STPG2: variants seen among roughly 807,000 people sequenced by gnomAD.
STPG2 encodes sperm-tail PG-rich repeat-containing protein 2.
STPG2 carries 56 observed loss-of-function variants against 54.2 expected under a neutral mutation model. The observed-to-expected ratio is 1.03, with a 90% CI of 0.83 to 1.29. STPG2 has a LOEUF of 1.29. Ranked by LOEUF, STPG2 falls within the 50% of genes most tolerant of loss-of-function variation. The pLI is 0.00. For synonymous variants in STPG2, 200 were observed against 181.8 expected (o/e 1.10, Z -0.81); for missense variants, 596 against 544.9 (o/e 1.09, Z -0.93).
intron 9 of STPG2, among the ~76,000 whole-genome samples, chr4:97,814,800 T>C (rs1727857189): frequency 6.6e-6 from 1 of 152,142 alleles, no homozygotes; most frequent in Non-Finnish European, 1.5e-5. Context: ...CTGTGCTGGA[T>C]GCCTCCTGCC....
intron 8 of STPG2, among the ~76,000 whole-genome samples, chr4:97,869,936 G>C (rs966612541): frequency 1.1e-4 from 17 of 151,428 alleles, no homozygotes; most frequent in African/African-American, 3.9e-4. Flanking sequence ...AAGAACCCGG[G>C]TCTTCCACTT....
In STPG2 at chr4:98,000,665, C is replaced by T. The variant is rs532348896; in HGVS notation, c.613-19347G>A. 3.9e-5 allele frequency among the ~76,000 whole-genome samples: 6 copies of T among 152,126 alleles called. No individual in the cohort carries two copies. In the South Asian group the frequency reaches 1.0e-3, roughly 26 times the overall value. ...TCCTTTTAAACTGATTAAATTTAAA[C>T]AAAATCACATAAACATGGTAAGGAA... On this transcript the variant is annotated intron_variant, in intron 5 of 10. Coordinates refer to ENST00000295268, the MANE Select transcript of STPG2 (RefSeq NM_174952.3).
At position 97,659,541 on chromosome 4, in the gene STPG2, C is replaced by T. The variant is rs188580991; in HGVS notation, c.1320+53158G>A. 2.0e-5 allele frequency among the ~76,000 whole-genome samples: 3 copies of T among 152,294 alleles called. No individual in the cohort carries two copies. In the East Asian group the frequency reaches 5.8e-4, roughly 29 times the overall value. On this transcript the variant is annotated intron_variant, in intron 10 of 10. Coordinates refer to ENST00000295268, the MANE Select transcript of STPG2 (RefSeq NM_174952.3). ...TCACACTTTATGTCAGCTCATGAACCTTGCTGGAAAGCTAGGGAACAAATG... is the reference window on the plus strand; with the variant it reads ...TCACACTTTATGTCAGCTCATGAACTTTGCTGGAAAGCTAGGGAACAAATG...
chr4:97,933,074 A>G (rs933201914), intron 8 of STPG2, among the ~76,000 whole-genome samples: 3 of 152,090 alleles, frequency 2.0e-5, no homozygotes, highest in Non-Finnish European at 1.5e-5. Flanking sequence ...CTGGCATAAG[A>G]TGGTATCTTA....
At position 98,143,343 on chromosome 4, in the gene STPG2, T is replaced by C; in HGVS notation, c.-193A>G. On this transcript the variant is annotated 5_prime_UTR_variant, in exon 1 of 11. Transcript: ENST00000295268. ...TTGATACCAGATTTCCTCAAATCGATTTCTAGCTCTGTGGTAAAGTAGAGG... is the reference window on the plus strand; with the variant it reads ...TTGATACCAGATTTCCTCAAATCGACTTCTAGCTCTGTGGTAAAGTAGAGG... 1 of 574,544 alleles carries C rather than the reference T, an allele frequency of 1.7e-6. No homozygotes were observed. The highest frequency in any genetic ancestry group is 3.1e-6 in the Non-Finnish European group (1 of 320,228). The allele number at this position is 574,544 out of a possible 1,614,324, so 35.6% of individuals were successfully genotyped here. A position where few individuals can be genotyped will look rare whatever the true frequency, so the allele number is the denominator to read the frequency against.
chr4:97,660,254 G>T (rs1722340112), intron 10 of STPG2, among the ~76,000 whole-genome samples: 1 of 152,198 alleles, frequency 6.6e-6, no homozygotes, highest in Non-Finnish European at 1.5e-5. Flanking sequence ...GCCCGCCTCG[G>T]CTTCCCGAAG....
At chr4:97,751,793 A>C (rs1478442023) in intron 9 of STPG2, among the ~76,000 whole-genome samples, 1 of 151,692 alleles carries the variant, frequency 6.6e-6, no homozygotes, top group Non-Finnish European at 1.5e-5. Flanking sequence ...AAAGGAACTA[A>C]AGGAAAGGAA....
intron 10 of STPG2, among the ~76,000 whole-genome samples, chr4:97,637,355 A>C (rs1272187226): frequency 6.6e-6 from 1 of 151,028 alleles, no homozygotes; most frequent in Non-Finnish European, 1.5e-5. Flanking sequence ...AAATAATAAG[A>C]GCTATCTATG....
intron 9 of STPG2, among the ~76,000 whole-genome samples, chr4:97,740,969 C>A (rs1226136000): frequency 6.6e-6 from 1 of 152,152 alleles, no homozygotes; most frequent in African/African-American, 2.4e-5. Flanking sequence ...AACTATACTA[C>A]AAGACTACAG....
chr4:97,848,397 T>C (rs1306488597), intron 8 of STPG2, among the ~76,000 whole-genome samples: 3 of 152,198 alleles, frequency 2.0e-5, no homozygotes, highest in Admixed American at 6.5e-5. Context: ...TTTCCTCAGA[T>C]AAGATTCAAT....
chr4:97,890,728 G>T (rs762164402), intron 8 of STPG2, among the ~76,000 whole-genome samples: 1 of 151,842 alleles, frequency 6.6e-6, no homozygotes, highest in Non-Finnish European at 1.5e-5. Flanking sequence ...TGAAGTGATA[G>T]CTATCCCAGT....
intron 4 of STPG2, among the ~76,000 whole-genome samples, chr4:97,526,451 G>A (rs1210971569): frequency 6.6e-6 from 1 of 151,984 alleles, no homozygotes; most frequent in East Asian, 1.9e-4. Context: ...TAAAGCAAAT[G>A]AGTTTTGTTT....
intron 9 of STPG2, among the ~76,000 whole-genome samples, chr4:97,824,936 TC>T (rs1283810052): frequency 1.3e-5 from 2 of 152,194 alleles, no homozygotes; most frequent in East Asian, 3.9e-4. Flanking sequence ...AATTGTCCTT[TC>T]TCTGAGCATA....
intron 10 of STPG2, among the ~76,000 whole-genome samples, chr4:97,561,060 C>A (rs996080051): frequency 6.6e-6 from 1 of 152,030 alleles, no homozygotes; most frequent in African/African-American, 2.4e-5. Flanking sequence ...AGTTTACAGT[C>A]CCACCAACAG....
At chr4:97,522,946 G>C (rs1357168593) in intron 4 of STPG2, among the ~76,000 whole-genome samples, 1 of 151,808 alleles carries the variant, frequency 6.6e-6, no homozygotes, top group Non-Finnish European at 1.5e-5. Context: ...TTAATTTTTT[G>C]AAATGTCATG....
intron 4 of STPG2, among the ~76,000 whole-genome samples, chr4:97,505,660 G>A (rs1256573966): frequency 6.6e-6 from 1 of 151,888 alleles, no homozygotes; most frequent in Non-Finnish European, 1.5e-5. Context: ...CACATAGTGT[G>A]TAACAGTTGC....
chr4:98,047,964 TCA>T (rs1310490427), intron 5 of STPG2, among the ~76,000 whole-genome samples: 1 of 152,168 alleles, frequency 6.6e-6, no homozygotes, highest in African/African-American at 2.4e-5. Context: ...AAGAAAACTC[TCA>T]CAGAGATTAT....
chr4:98,054,731 A>G (rs1578817145), intron 5 of STPG2, among the ~76,000 whole-genome samples: 2 of 152,192 alleles, frequency 1.3e-5, no homozygotes, highest in African/African-American at 4.8e-5. Context: ...TGTATATTCT[A>G]TTCAGTGATT....
intron 8 of STPG2, among the ~76,000 whole-genome samples, chr4:97,842,014 TCAAA>T (rs1213792696): frequency 6.6e-6 from 1 of 151,826 alleles, no homozygotes; most frequent in East Asian, 1.9e-4. Context: ...TTCAAATAAG[TCAAA>T]CAAATTTGGA....
Sources: allele counts gnomAD v4.1 joint callset (sites outside exome capture counted in the v4.1 genomes callset), GRCh38; gene constraint gnomAD v4.1.1; transcripts MANE v1.5; gene names NCBI Gene and HGNC (gene_info 2026-07-23, HGNC 2026-07-21).